AIG1: variants seen among roughly 807,000 people sequenced by gnomAD.
AIG1 encodes the protein androgen induced 1, also known as androgen-induced gene 1 protein.
In AIG1, 23 loss-of-function variants were observed where a neutral mutation model predicts 31.4. The observed-to-expected ratio is 0.73, with a 90% CI of 0.53 to 1.04. The LOEUF (loss-of-function observed/expected upper bound fraction) is 1.04, where lower values mean the gene tolerates loss of function less well. Ranked by LOEUF, AIG1 falls within the 50% of genes least tolerant of loss-of-function variation. AIG1 has a pLI of 0.00. For missense variants in AIG1, 274 were observed against 295.0 expected, an observed-to-expected ratio of 0.93 and a Z score of 0.52; for synonymous variants, 100 against 110.5, an observed-to-expected ratio of 0.90 and a Z score of 0.60.
intron 4 of AIG1, among the ~76,000 whole-genome samples, chr6:143,295,233 T>C (rs2128692036): frequency 6.6e-6 from 1 of 152,292 alleles, no homozygotes; most frequent in Non-Finnish European, 1.5e-5. Context: ...TATGCTTTGC[T>C]CCATCTCCAC....
At chr6:143,271,666 G>A (rs954426765) in intron 3 of AIG1, among the ~76,000 whole-genome samples, 1 of 152,130 alleles carries the variant, frequency 6.6e-6, no homozygotes, top group African/African-American at 2.4e-5. Context: ...TATAAAAGTC[G>A]ATGGAAATGT....
intron 3 of AIG1, among the ~76,000 whole-genome samples, chr6:143,229,896 A>C (rs1000761320): frequency 4.6e-5 from 7 of 151,946 alleles, no homozygotes; most frequent in African/African-American, 1.7e-4. Context: ...TTCATCATTC[A>C]GTGAGAGAAA....
intron 1 of AIG1, among the ~76,000 whole-genome samples, chr6:143,130,173 C>T (rs968711748): frequency 6.6e-6 from 1 of 151,946 alleles, no homozygotes; most frequent in Non-Finnish European, 1.5e-5. Flanking sequence ...TCGTGATCCA[C>T]CCATCTCAGT....
chr6:143,217,565 G>A (rs1163528374), intron 3 of AIG1, among the ~76,000 whole-genome samples: 2 of 152,110 alleles, frequency 1.3e-5, no homozygotes, highest in Admixed American at 6.5e-5. Flanking sequence ...CTGGAGTGGA[G>A]TGGTGTGATC....
At chr6:143,194,384 C>T (rs1046056115) in intron 3 of AIG1, among the ~76,000 whole-genome samples, 3 of 152,132 alleles carry the variant, frequency 2.0e-5, no homozygotes, top group Non-Finnish European at 4.4e-5. Flanking sequence ...CCCACGAGTT[C>T]CCTCCCTCGA....
intron 1 of AIG1, among the ~76,000 whole-genome samples, chr6:143,097,745 A>G (rs888222043): frequency 7.2e-5 from 11 of 152,214 alleles, no homozygotes; most frequent in African/African-American, 2.4e-4. Context: ...GCCAAAGGGC[A>G]TGGTGACCTT....
At chr6:143,253,892 A>G (rs1285404433) in intron 3 of AIG1, among the ~76,000 whole-genome samples, 1 of 152,208 alleles carries the variant, frequency 6.6e-6, no homozygotes, top group African/African-American at 2.4e-5. Context: ...ACAGCACAAT[A>G]TGAAAGAATC....
At chr6:143,265,924 C>A (rs1796121132) in intron 3 of AIG1, among the ~76,000 whole-genome samples, 1 of 152,200 alleles carries the variant, frequency 6.6e-6, no homozygotes, top group South Asian at 2.1e-4. Context: ...ATTTCATTTC[C>A]TCAATCTCTA....
At chr6:143,168,429 C>G (rs1352212681) in intron 3 of AIG1, among the ~76,000 whole-genome samples, 1 of 142,922 alleles carries the variant, frequency 7.0e-6, no homozygotes, top group Non-Finnish European at 1.5e-5. Flanking sequence ...CACAACAGGC[C>G]CCAGTGTGTG....
chr6:143,073,223 C>A (rs1777451511), intron 1 of AIG1, among the ~76,000 whole-genome samples: 2 of 152,114 alleles, frequency 1.3e-5, no homozygotes, highest in African/African-American at 4.8e-5. Context: ...TTCTTTAGGG[C>A]TGAATTGTAT....
chr6:143,229,426 T>G (rs938086454), intron 3 of AIG1, among the ~76,000 whole-genome samples: 2 of 152,172 alleles, frequency 1.3e-5, no homozygotes, highest in Non-Finnish European at 2.9e-5. Flanking sequence ...CTCTCTGGAG[T>G]TCTATCACAA....
At chr6:143,286,757 G>A (rs1044081444) in intron 4 of AIG1, among the ~76,000 whole-genome samples, 2 of 152,178 alleles carry the variant, frequency 1.3e-5, no homozygotes, top group Non-Finnish European at 2.9e-5. Flanking sequence ...TACTGAGTAA[G>A]GTTGAGCTAA....
In AIG1 at chr6:143,288,485, G is replaced by A. The variant is rs1332364368; in HGVS notation, c.515+4260G>A. 6.6e-6 allele frequency among the ~76,000 whole-genome samples: 1 copy of A among 152,166 alleles called. No homozygotes were observed. The highest frequency in any genetic ancestry group is 1.5e-5 in the Non-Finnish European group (1 of 68,032). ...TTCCACTTATGGATAAATATTCCTT[G>A]TCAACTGCTGTGAGTGTATTTAAAG... On this transcript the variant is annotated intron_variant, in intron 4 of 5. Coordinates refer to ENST00000357847, the MANE Select transcript of AIG1 (RefSeq NM_016108.4). The surrounding 1 kb of genome is among the most constrained non-coding windows in gnomAD (Gnocchi z 4.4).
rs1004461044 is a variant in AIG1 at position 143,326,487 on chromosome 6, G to A, written c.516-6795G>A. 5.3e-5 allele frequency among the ~76,000 whole-genome samples: 8 copies of A among 152,064 alleles called. No individual in the cohort carries two copies. Among genetic ancestry groups the A allele is most frequent in the Non-Finnish European group, 1.0e-4 (7 of 68,024 alleles). ...TGACAGGCATTCTGATAAGTGCTGA[G>A]GATCCAAGGAGAGGTAAAAATAAAC... On this transcript the variant is annotated intron_variant, in intron 4 of 5. Transcript: ENST00000357847. This position sits in a 1 kb window ranked among gnomAD's most constrained non-coding sequence, Gnocchi z 4.5.
chr6:143,232,349 T>C (rs1399166765), intron 3 of AIG1, among the ~76,000 whole-genome samples: 1 of 152,190 alleles, frequency 6.6e-6, no homozygotes, highest in African/African-American at 2.4e-5. Flanking sequence ...AAGTCTGGCA[T>C]GTGGACACCC....
intron 3 of AIG1, among the ~76,000 whole-genome samples, chr6:143,251,491 A>G (rs1468599008): frequency 2.7e-4 from 40 of 150,094 alleles, no homozygotes. Flanking sequence ...CTGTTTGCAA[A>G]CTAGATTGGA....
chr6:143,272,370 T>C (rs377088056), intron 3 of AIG1, among the ~76,000 whole-genome samples: 5 of 152,316 alleles, frequency 3.3e-5, no homozygotes, highest in Admixed American at 1.3e-4. Context: ...CCAGAGCAGC[T>C]TTCTTCCAGG....
rs1797560358 is a variant in AIG1, at chr6:143,284,478, T to C, written c.515+253T>C. Among the ~76,000 whole-genome samples, 1 of 152,164 alleles carries C rather than the reference T, an allele frequency of 6.6e-6. No homozygotes were observed. The highest frequency in any genetic ancestry group is 1.5e-5 in the Non-Finnish European group (1 of 67,994). ...CTTCCAAGGCTACATTTTTCAACTC[T>C]TTTTCAAACTAAATGTTTTTGTTGG... is the stretch of plus-strand genomic sequence containing the variant. On this transcript the variant is annotated intron_variant, in intron 4 of 5. Coordinates refer to ENST00000357847, the MANE Select transcript of AIG1 (RefSeq NM_016108.4). The surrounding 1 kb of genome is among the most constrained non-coding windows in gnomAD (Gnocchi z 4.4).
chr6:143,152,360 C>T (rs570291437), intron 2 of AIG1, among the ~76,000 whole-genome samples: 1 of 152,064 alleles, frequency 6.6e-6, no homozygotes, highest in African/African-American at 2.4e-5. Context: ...TATCGAATAA[C>T]TATAGTCCCC....
Sources: allele counts gnomAD v4.1 joint callset (sites outside exome capture counted in the v4.1 genomes callset), GRCh38; gene constraint gnomAD v4.1.1; non-coding constraint Gnocchi (gnomAD v3.1); transcripts MANE v1.5; gene names NCBI Gene and HGNC (gene_info 2026-07-23, HGNC 2026-07-21).